Variants in KNDC1 observed in about 807,000 individuals in gnomAD.
KNDC1 encodes the protein kinase non-catalytic C-lobe domain-containing protein 1.
A neutral mutation model predicts 172.8 loss-of-function variants in KNDC1; 106 were observed. That is an observed-to-expected ratio of 0.61 (90% CI 0.52 to 0.72). KNDC1 has a LOEUF of 0.72. Among genes scored for constraint, KNDC1 ranks in the 30% least tolerant of loss-of-function variants. KNDC1 has a pLI of 0.00. For synonymous variants in KNDC1, 1,083 were observed against 1,062.2 expected (o/e 1.02, Z -0.38); for missense variants, 2,325 against 2,394.5 (o/e 0.97, Z 0.61).
Position 133,198,973 on chromosome 10 carries a change from AC to A in KNDC1, c.2467del (p.His823ThrfsTer95). ...GACGCCCTGGGGCCCACCACGGCCC[AC>A]CACGGCCCACGCCACCCGCCCAAGC... ...RPDALGPTTA[H>X]HGPRHPPKPP... On this transcript the variant is annotated frameshift_variant, in exon 14 of 30. Transcript: ENST00000304613. LOFTEE classifies it high-confidence loss of function. The A allele has an allele frequency of 6.5e-7, 1 of 1,545,784 alleles. No individual in the cohort carries two copies. The highest frequency in any genetic ancestry group is 8.7e-7 in the Non-Finnish European group (1 of 1,150,162).
chr10:133,200,497 TG>T (rs760017566), intron 16 of KNDC1, 37 bp downstream of exon 16: 64 of 1,440,056 alleles, frequency 4.4e-5, no homozygotes, highest in Middle Eastern at 1.9e-4. Flanking sequence ...GGAGCTCTGC[TG>T]GGCGGCTCCT....
chr10:133,165,296 G>A (rs1016839252), intron 1 of KNDC1, among the ~76,000 whole-genome samples: 1 of 152,222 alleles, frequency 6.6e-6, no homozygotes, highest in African/African-American at 2.4e-5. Flanking sequence ...GGAGGGGGCT[G>A]CCCATCACCA....
rs2136017018 is a variant in KNDC1 at position 133,209,133 on chromosome 10, G to A, written c.3795-1478G>A. Among the ~76,000 whole-genome samples, 1 of 152,036 alleles carries A rather than the reference G, an allele frequency of 6.6e-6. No individual in the cohort carries two copies. Among genetic ancestry groups the A allele is most frequent in the Non-Finnish European group, 1.5e-5 (1 of 67,962 alleles). On this transcript the variant is annotated intron_variant, in intron 20 of 29. Transcript: ENST00000304613. This position sits in a 1 kb window ranked among gnomAD's most constrained non-coding sequence, Gnocchi z 4.9. The stretch of plus-strand genomic sequence containing the variant: ...TGTGATGTGGAGTATTGTGTGGCGT[G>A]TGTGGTGTGTGGTTGGGTATTGCGT...
chr10:133,212,067 T>C (rs1252641624), intron 23 of KNDC1, among the ~76,000 whole-genome samples: 1 of 151,462 alleles, frequency 6.6e-6, no homozygotes, highest in Non-Finnish European at 1.5e-5. Context: ...CGTGCACATA[T>C]GCATGCACCT....
Position 133,199,132 on chromosome 10 carries a change from G to C in KNDC1, c.2624G>C (p.Cys875Ser). ...CCGCGGCCCGCAGACCGGAGGCTCT[G>C]TCTGCCCTGCGTGGATGCCTCGCCA... ...ERPRPADRRL[C>S]LPCVDASPLP... The change falls in exon 14 of 30, where the codon TGT becomes TCT. Residue 875 changes from cysteine to serine, a missense_variant. Coordinates refer to ENST00000304613, the MANE Select transcript of KNDC1 (RefSeq NM_152643.8). The C allele has an allele frequency of 6.2e-7, 1 of 1,604,166 alleles. No individual in the cohort carries two copies. Among genetic ancestry groups the C allele is most frequent in the Non-Finnish European group, 8.5e-7 (1 of 1,176,544 alleles).
Position 133,186,455 on chromosome 10 carries a change from G to C in KNDC1, c.1107G>C (p.Pro369=), listed in dbSNP as rs1321481531. 1.2e-6 allele frequency: 2 copies of C among 1,612,396 alleles called. No homozygotes were observed. The highest frequency in any genetic ancestry group is 8.5e-7 in the Non-Finnish European group (1 of 1,179,726). Residue 369 remains proline (P), a synonymous_variant, in exon 6 of 30, where the codon CCG becomes CCC. Coordinates refer to ENST00000304613, the MANE Select transcript of KNDC1 (RefSeq NM_152643.8). ...GCAGGCTGTGGCCGGAGCAGGAGCC[G>C]GAACACCAGCTGGGACGGGTTCCCT... is the stretch of plus-strand genomic sequence containing the variant. ...PKCRLWPEQE[P]EHQLGRVPCA... is the part of the protein sequence containing the mutation.
Position 133,195,539 on chromosome 10 carries a change from TGAG to T in KNDC1, c.1576-120_1576-118del, listed in dbSNP as rs1391115080. 11 of 929,406 alleles carry T rather than the reference TGAG, an allele frequency of 1.2e-5. No individual in the cohort carries two copies. The African/African-American group carries it at 1.6e-4, about 13-fold the overall frequency. The allele number at this position is 929,406 out of a possible 1,614,324, so 57.6% of individuals were successfully genotyped here. The stretch of plus-strand genomic sequence containing the variant: ...CCTGATAGATGCTGAGGAGGGGTCT[TGAG>T]GAGAGCCCCTCTGTGGGGGCAGTGC... On this transcript the variant is annotated intron_variant, in intron 9 of 29. Transcript: ENST00000304613.
intron 17 of KNDC1, chr10:133,202,479 G>A (rs1854401537): frequency 2.5e-6 from 1 of 397,448 alleles, no homozygotes; most frequent in Non-Finnish European, 5.0e-6. Flanking sequence ...CGCAAGGTGG[G>A]ACCAGTGACC....
chr10:133,166,094 G>A (rs1278607141), intron 1 of KNDC1, among the ~76,000 whole-genome samples: 1 of 152,234 alleles, frequency 6.6e-6, no homozygotes, highest in Non-Finnish European at 1.5e-5. Flanking sequence ...CTGTGCCTGG[G>A]GGGCCTCTTG....
In KNDC1 at chr10:133,163,371, C is replaced by T. The variant is rs963186036; in HGVS notation, c.102+2802C>T. ...TCAGAATCTGAGGCTGGACAGGATG[C>T]AGTTGCTCCCTGGAGGGGCACACAG... On this transcript the variant is annotated intron_variant, in intron 1 of 29. Coordinates refer to ENST00000304613, the MANE Select transcript of KNDC1 (RefSeq NM_152643.8). This position sits in a 1 kb window ranked among gnomAD's most constrained non-coding sequence, Gnocchi z 4.4. Among the ~76,000 whole-genome samples, 21 of 152,312 alleles carry T rather than the reference C, an allele frequency of 1.4e-4. No homozygotes were observed. Among genetic ancestry groups the T allele is most frequent in the African/African-American group, 5.1e-4 (21 of 41,572 alleles).
intron 3 of KNDC1, among the ~76,000 whole-genome samples, chr10:133,172,209 C>T (rs1016170171): frequency 2.0e-5 from 3 of 152,160 alleles, no homozygotes; most frequent in Admixed American, 6.5e-5. Context: ...CTAAAAAGAG[C>T]GCTTTTCACC....
In KNDC1 at chr10:133,211,803, C is replaced by G; in HGVS notation, c.4181C>G (p.Ala1394Gly). 3 of 1,610,240 alleles carry G rather than the reference C, an allele frequency of 1.9e-6. No homozygotes were observed. Among genetic ancestry groups the G allele is most frequent in the Non-Finnish European group, 2.5e-6 (3 of 1,179,268 alleles). ...LENPREAEED[A>G]RPFNALCKRL... ...AACCCCAGGGAGGCCGAGGAGGATG[C>G]CAGACCCTTCAACGCCCTCTGTAAG... is the stretch of plus-strand genomic sequence containing the variant. The change falls in exon 23 of 30, where the codon GCC becomes GGC. Residue 1394 changes from alanine to glycine, a missense_variant. Transcript: ENST00000304613.
intron 1 of KNDC1, among the ~76,000 whole-genome samples, chr10:133,165,430 G>T (rs1480512334): frequency 1.3e-5 from 2 of 152,216 alleles, no homozygotes; most frequent in East Asian, 3.9e-4. Context: ...TGGGCTGGCG[G>T]CAGGCGCCTG....
At chr10:133,203,017 CTCCGCCCCCAAACGCAT>C (rs1854418371) in intron 17 of KNDC1, among the ~76,000 whole-genome samples, 2 of 151,846 alleles carry the variant, frequency 1.3e-5, no homozygotes, top group African/African-American at 4.8e-5. Flanking sequence ...GCCGGGAGCA[CTCCGCCCCCAAACGCAT>C]GGCGTCCAGC....
chr10:133,184,634 G>T (rs4838672), intron 5 of KNDC1, among the ~76,000 whole-genome samples: 1 of 152,052 alleles, frequency 6.6e-6, no homozygotes, highest in African/African-American at 2.4e-5. Context: ...TGCCTCACAC[G>T]TGGTCAGACA....
intron 3 of KNDC1, among the ~76,000 whole-genome samples, chr10:133,169,255 G>A (rs1564873745): frequency 1.3e-5 from 2 of 152,210 alleles, no homozygotes; most frequent in Non-Finnish European, 2.9e-5. Flanking sequence ...GAGCCCAGGA[G>A]TTCAAGACCA....
rs1286549617 is a variant in KNDC1, at chr10:133,197,765, C to T, written c.1903C>T (p.Pro635Ser). 1.2e-6 allele frequency: 2 copies of T among 1,610,680 alleles called. No homozygotes were observed. Among genetic ancestry groups the T allele is most frequent in the Non-Finnish European group, 1.7e-6 (2 of 1,179,140 alleles). ...PSVAPAPEPSPGFLPVNSDTG... is the reference protein window; with the variant it reads ...PSVAPAPEPSSGFLPVNSDTG... Reference sequence around the variant, plus strand: ...TGTGGCACCAGCCCCAGAGCCCAGCCCAGGTGGGGACCTGACCAGCCCCTG... The same window carrying T: ...TGTGGCACCAGCCCCAGAGCCCAGCTCAGGTGGGGACCTGACCAGCCCCTG... Residue 635 changes from proline (P) to serine (S), a missense_variant, in exon 12 of 30, where the codon CCA becomes TCA. Coordinates refer to ENST00000304613, the MANE Select transcript of KNDC1 (RefSeq NM_152643.8).
At position 133,189,622 on chromosome 10, in the gene KNDC1, TG is replaced by T; in HGVS notation, c.1468del (p.Val490LeufsTer33). The T allele has an allele frequency of 6.2e-7, 1 of 1,613,778 alleles. No individual in the cohort carries two copies. On this transcript the variant is annotated frameshift_variant, in exon 8 of 30. Coordinates refer to ENST00000304613, the MANE Select transcript of KNDC1 (RefSeq NM_152643.8). LOFTEE classifies it high-confidence loss of function. The part of the protein sequence containing the change: ...HPAYLCLDSV[L>X]VAEDGAVLFQ... ...GCCTACCTGTGTCTGGACTCCGTGC[TG>T]GTTGCTGAGGACGGGGCTGTGCTCT...
rs540919924 is a variant in KNDC1 at position 133,167,817 on chromosome 10, C to T, written c.301+238C>T. On this transcript the variant is annotated intron_variant, in intron 2 of 29. Transcript: ENST00000304613. ...TACCCTCAGACACCAGAGGGACACT[C>T]GGCCCGCCCTGAGCCCCCTCCGCTC... Among the ~76,000 whole-genome samples the T allele has an allele frequency of 2.3e-4, 35 of 152,300 alleles. No individual in the cohort carries two copies. In the South Asian group the frequency reaches 3.5e-3, roughly 15 times the overall value.
Sources: gnomAD v4.1 joint callset for allele counts (sites outside exome capture counted in the v4.1 genomes callset) on GRCh38, gnomAD v4.1.1 for gene constraint, Gnocchi (gnomAD v3.1) non-coding constraint, MANE v1.5 for transcripts, NCBI Gene and HGNC (gene_info 2026-07-23, HGNC 2026-07-21) for gene names.